The following LRMDA variants were observed in gnomAD, a reference collection of about 807,000 sequenced individuals.
LRMDA encodes leucine rich melanocyte differentiation associated.
Under a neutral mutation model 29.8 loss-of-function variants are expected in LRMDA, and 18 were observed. The ratio of observed to expected loss-of-function variants is 0.60; its 90% CI spans 0.42 to 0.90. The LOEUF is 0.90. Ranked by LOEUF, LRMDA falls within the 40% of genes least tolerant of loss-of-function variation. The probability of loss-of-function intolerance (pLI) is 0.00; values close to 1 mark genes in which losing one functional copy is unlikely to be tolerated. For synonymous variants in LRMDA, 125 were observed against 109.4 expected, an observed-to-expected ratio of 1.14 and a Z score of -0.89; for missense variants, 273 against 273.9, an observed-to-expected ratio of 1.00 and a Z score of 0.02.
At chr10:75,762,072 C>T (rs1218280654) in intron 2 of LRMDA, among the ~76,000 whole-genome samples, 2 of 152,144 alleles carry the variant, frequency 1.3e-5, no homozygotes, top group Non-Finnish European at 2.9e-5. Flanking sequence ...CTCAGCCTCC[C>T]AAAGTGCTGG....
At chr10:76,164,611 C>T (rs2132183063) in intron 5 of LRMDA, among the ~76,000 whole-genome samples, 1 of 152,308 alleles carries the variant, frequency 6.6e-6, no homozygotes, top group East Asian at 1.9e-4. Flanking sequence ...TATTTCCTAT[C>T]TGGCCCTTTA....
chr10:76,216,668 T>C (rs527729249), intron 5 of LRMDA, among the ~76,000 whole-genome samples: 23 of 152,212 alleles, frequency 1.5e-4, no homozygotes, highest in Non-Finnish European at 2.6e-4. Flanking sequence ...TTGGAGAGTA[T>C]GTATATCTAC....
In LRMDA at chr10:76,070,267, G is replaced by A. The variant is rs539867918; in HGVS notation, c.516+11484G>A. Among the ~76,000 whole-genome samples, 15 of 152,264 alleles carry A rather than the reference G, an allele frequency of 9.9e-5. No homozygotes were observed. The South Asian group carries it at 2.9e-3, about 29-fold the overall frequency. On this transcript the variant is annotated intron_variant, in intron 5 of 6. Transcript: ENST00000611255. ...GTAATTTTGGCTTGAGATGCTGGGG[G>A]GCAGGTACCTAAGTCAGCTTGGGAT...
At chr10:76,097,733 A>G (rs1849334930) in intron 5 of LRMDA, among the ~76,000 whole-genome samples, 1 of 152,126 alleles carries the variant, frequency 6.6e-6, no homozygotes, top group Admixed American at 6.5e-5. Context: ...TGATTTTTGA[A>G]TATTGAACCA....
At chr10:75,605,857 C>CCTTT (rs1343624642) in intron 2 of LRMDA, among the ~76,000 whole-genome samples, 1 of 151,936 alleles carries the variant, frequency 6.6e-6, no homozygotes, top group Non-Finnish European at 1.5e-5. Flanking sequence ...CCCAAATAAG[C>CCTTT]CTTTCTTTCT....
At chr10:75,705,961 A>C (rs543709329) in intron 2 of LRMDA, among the ~76,000 whole-genome samples, 2 of 152,360 alleles carry the variant, frequency 1.3e-5, no homozygotes, top group South Asian at 4.1e-4. Flanking sequence ...GAATAACAAC[A>C]GTGGTCTTTA....
At chr10:76,236,813 A>T (rs1235530980) in intron 5 of LRMDA, among the ~76,000 whole-genome samples, 1 of 152,224 alleles carries the variant, frequency 6.6e-6, no homozygotes, top group East Asian at 1.9e-4. Context: ...TACAAAGCAA[A>T]TGTAGTATAT....
intron 2 of LRMDA, among the ~76,000 whole-genome samples, chr10:75,697,258 AT>A (rs1188815249): frequency 6.6e-6 from 1 of 151,622 alleles, no homozygotes; most frequent in Non-Finnish European, 1.5e-5. Flanking sequence ...TGACTTTCTA[AT>A]TTGTCTGTTT....
At chr10:75,863,197 C>A (rs777018566) in intron 2 of LRMDA, among the ~76,000 whole-genome samples, 3 of 151,970 alleles carry the variant, frequency 2.0e-5, no homozygotes, top group African/African-American at 7.3e-5. Context: ...GGTTGTGCAT[C>A]GCTTTACAGT....
intron 6 of LRMDA, among the ~76,000 whole-genome samples, chr10:76,353,330 TTG>T (rs3998122): frequency 6.2e-4 from 90 of 146,080 alleles, no homozygotes; most frequent in Middle Eastern, 3.5e-3. Context: ...AGCTGTGGAG[TTG>T]TGTGTGTGTG....
intron 6 of LRMDA, among the ~76,000 whole-genome samples, chr10:76,482,365 CA>C (rs1438388002): frequency 2.6e-5 from 4 of 151,962 alleles, no homozygotes; most frequent in African/African-American, 9.7e-5. Context: ...CTCTGCCCAT[CA>C]GGGGTACTTC....
At chr10:75,598,768 T>A (rs1404945663) in intron 2 of LRMDA, among the ~76,000 whole-genome samples, 1 of 152,154 alleles carries the variant, frequency 6.6e-6, no homozygotes, top group African/African-American at 2.4e-5. Context: ...AATTTGAACC[T>A]TTTGCTAAGA....
chr10:76,228,019 G>A (rs1009671683), intron 5 of LRMDA, among the ~76,000 whole-genome samples: 1 of 142,620 alleles, frequency 7.0e-6, no homozygotes, highest in Admixed American at 7.0e-5. Flanking sequence ...AATGGAAATT[G>A]TTAGTCTTTT....
intron 5 of LRMDA, among the ~76,000 whole-genome samples, chr10:76,147,085 T>A (rs568705118): frequency 0.012 from 1,818 of 152,306 alleles, 41 homozygotes; most frequent in African/African-American, 0.042. Flanking sequence ...CCTTTGTGGG[T>A]AACCCGACCT....
At chr10:75,859,638 C>CACACAT (rs1403524590) in intron 2 of LRMDA, among the ~76,000 whole-genome samples, 1 of 149,430 alleles carries the variant, frequency 6.7e-6, no homozygotes, top group Non-Finnish European at 1.5e-5. Flanking sequence ...CACACACACA[C>CACACAT]ACACACACAT....
intron 2 of LRMDA, among the ~76,000 whole-genome samples, chr10:75,832,382 G>A (rs1470068330): frequency 6.6e-6 from 1 of 152,138 alleles, no homozygotes; most frequent in Admixed American, 6.5e-5. Context: ...TTCTCAACAA[G>A]TTCCTCATCT....
At chr10:76,006,530 G>A (rs943871007) in intron 2 of LRMDA, among the ~76,000 whole-genome samples, 8 of 152,006 alleles carry the variant, frequency 5.3e-5, no homozygotes, top group Non-Finnish European at 1.0e-4. Context: ...TCTGCAGAGC[G>A]AAGCTCCAAG....
At chr10:76,132,207 T>C (rs2132137597) in intron 5 of LRMDA, among the ~76,000 whole-genome samples, 1 of 152,256 alleles carries the variant, frequency 6.6e-6, no homozygotes, top group South Asian at 2.1e-4. Context: ...TTATTTATAC[T>C]TCTGGACTTC....
chr10:76,502,750 C>CT (rs374835259), intron 6 of LRMDA, among the ~76,000 whole-genome samples: 4,632 of 145,496 alleles, frequency 0.032, 168 homozygotes, highest in African/African-American at 0.092. Context: ...TTTTTTCTTT[C>CT]TTTTTTTTTT....
Sources: gnomAD v4.1 joint callset for allele counts (sites outside exome capture counted in the v4.1 genomes callset) on GRCh38, gnomAD v4.1.1 for gene constraint, MANE v1.5 for transcripts, NCBI Gene and HGNC (gene_info 2026-07-23, HGNC 2026-07-21) for gene names.